Variants in RCSD1 observed in about 807,000 individuals in gnomAD.
RCSD1 encodes RCSD domain containing 1.
RCSD1 carries 26 observed loss-of-function variants against 42.5 expected under a neutral mutation model. The ratio of observed to expected loss-of-function variants is 0.61; its 90% CI spans 0.45 to 0.85. The LOEUF is 0.85. RCSD1 is among the 40% of genes least tolerant of loss of function. The pLI is 0.00. For missense variants in RCSD1, 571 were observed against 528.3 expected (o/e 1.08, Z -0.79); for synonymous variants, 220 against 212.2 (o/e 1.04, Z -0.32).
At chr1:167,636,728 A>AG (rs1292453800) in intron 1 of RCSD1, among the ~76,000 whole-genome samples, 3 of 152,122 alleles carry the variant, frequency 2.0e-5, no homozygotes, top group Non-Finnish European at 4.4e-5. Flanking sequence ...CTGGGATTAC[A>AG]GGCATGCACC....
In RCSD1 at chr1:167,697,017, C is replaced by T; in HGVS notation, c.475-82C>T. On this transcript the variant is annotated intron_variant, in intron 5 of 6. Transcript: ENST00000367854. ...TGGACTTGTGAAGCAGTGCACCAGA[C>T]TGACATTGAAAGTGCATACAGTCCT... 9.9e-6 allele frequency: 13 copies of T among 1,308,456 alleles called. No individual in the cohort carries two copies. In the South Asian group the frequency reaches 1.7e-4, roughly 17 times the overall value. 81.1% of individuals were successfully genotyped at this position (1,308,456 alleles called of 1,614,324 possible). A position where few individuals can be genotyped will look rare whatever the true frequency, so the allele number is the denominator to read the frequency against.
At chr1:167,669,652 T>G (rs1658754075) in intron 1 of RCSD1, among the ~76,000 whole-genome samples, 2 of 152,250 alleles carry the variant, frequency 1.3e-5, no homozygotes, top group African/African-American at 4.8e-5. Flanking sequence ...ATGTTGCAGC[T>G]ACTGAATTAT....
Position 167,639,133 on chromosome 1 carries a change from C to T in RCSD1, c.6+8704C>T, listed in dbSNP as rs541875364. On this transcript the variant is annotated intron_variant, in intron 1 of 6. Coordinates refer to ENST00000367854, the MANE Select transcript of RCSD1 (RefSeq NM_052862.4). ...TTGGGAGGCTGAGGCAGGAGAATGG[C>T]GTGAACCCGGGAAGCGGAGGTTGCA... 1.1e-4 allele frequency among the ~76,000 whole-genome samples: 17 copies of T among 152,264 alleles called. No individual in the cohort carries two copies. In the South Asian group the frequency reaches 2.7e-3, roughly 24 times the overall value.
intron 1 of RCSD1, among the ~76,000 whole-genome samples, chr1:167,639,479 C>T (rs1657951072): frequency 6.6e-6 from 1 of 151,880 alleles, no homozygotes; most frequent in African/African-American, 2.4e-5. Flanking sequence ...TTTTCATTCT[C>T]ATTGTTTTTT....
chr1:167,630,548 T>A, intron 1 of RCSD1, 119 bp downstream of exon 1: 1 of 1,133,642 alleles, frequency 8.8e-7, no homozygotes, highest in Non-Finnish European at 1.2e-6. Flanking sequence ...TGCTGCCAAC[T>A]AGAAGGGCAA....
intron 5 of RCSD1, among the ~76,000 whole-genome samples, chr1:167,696,755 A>AT (rs907890555): frequency 6.6e-6 from 1 of 151,632 alleles, no homozygotes; most frequent in Admixed American, 6.6e-5. Context: ...CCCGGCAAGA[A>AT]TTTTTTTTTA....
intron 1 of RCSD1, among the ~76,000 whole-genome samples, chr1:167,677,046 A>G (rs778870589): frequency 6.6e-6 from 1 of 152,216 alleles, no homozygotes; most frequent in Admixed American, 6.5e-5. Context: ...AAAGCCTACA[A>G]GTGGTTAGGT....
intron 6 of RCSD1, 134 bp downstream of exon 6, chr1:167,697,976 T>A: frequency 8.7e-7 from 1 of 1,152,188 alleles, no homozygotes; most frequent in Non-Finnish European, 1.1e-6. Flanking sequence ...GGCTCCTGCC[T>A]CGTGCCAACT....
chr1:167,676,156 G>A (rs1017439420), intron 1 of RCSD1, among the ~76,000 whole-genome samples: 12 of 152,106 alleles, frequency 7.9e-5, no homozygotes, highest in Admixed American at 2.0e-4. Flanking sequence ...TCTGAGGCAC[G>A]GACAAGTTAG....
intron 1 of RCSD1, among the ~76,000 whole-genome samples, chr1:167,654,733 C>T (rs1236799851): frequency 6.6e-6 from 1 of 152,078 alleles, no homozygotes; most frequent in Non-Finnish European, 1.5e-5. Flanking sequence ...GGAAGGAGAG[C>T]AGAAAGAAAT....
Position 167,683,970 on chromosome 1 carries a change from G to T in RCSD1, c.77G>T (p.Arg26Leu). ...CCCTCGGTGGCCCAGCTGGCCGGGC[G>T]GTTTAGGGAGCAGGCGGCTGCAGCC... is the stretch of plus-strand genomic sequence containing the variant. ...ASPSVAQLAG[R>L]FREQAAAAKE... The change falls in exon 2 of 7, where the codon CGG becomes CTG. Residue 26 changes from arginine (R) to leucine (L), a missense_variant. Arg to Leu is a moderately radical substitution (Grantham distance 102). Transcript: ENST00000367854. The T allele has an allele frequency of 1.2e-6, 2 of 1,614,054 alleles. No individual in the cohort carries two copies. Among genetic ancestry groups the T allele is most frequent in the Non-Finnish European group, 1.7e-6 (2 of 1,180,018 alleles).
intron 1 of RCSD1, among the ~76,000 whole-genome samples, chr1:167,658,497 C>G (rs1430887105): frequency 6.6e-6 from 1 of 152,194 alleles, no homozygotes; most frequent in Admixed American, 6.5e-5. Context: ...GCAATCTTGG[C>G]TCTCTGCAAC....
At chr1:167,687,709 G>C (rs1659270922) in intron 3 of RCSD1, among the ~76,000 whole-genome samples, 1 of 152,152 alleles carries the variant, frequency 6.6e-6, no homozygotes, top group South Asian at 2.1e-4. Flanking sequence ...GCTACCCCTC[G>C]GTTCCCAATG....
At chr1:167,684,848 C>G (rs184580991) in intron 2 of RCSD1, among the ~76,000 whole-genome samples, 3 of 152,140 alleles carry the variant, frequency 2.0e-5, no homozygotes, top group Non-Finnish European at 2.9e-5. Context: ...CACTCCAGCC[C>G]GGGCAACAAG....
chr1:167,686,125 A>G (rs1458859252), intron 3 of RCSD1, among the ~76,000 whole-genome samples: 1 of 152,148 alleles, frequency 6.6e-6, no homozygotes, highest in Non-Finnish European at 1.5e-5. Context: ...TCCTATCTTT[A>G]TTTATCTAAT....
chr1:167,690,187 T>A (rs762960932), intron 4 of RCSD1, 67 bp downstream of exon 4: 2 of 1,503,830 alleles, frequency 1.3e-6, no homozygotes, highest in Non-Finnish European at 1.8e-6. Flanking sequence ...AAAATTTGCA[T>A]GACTTTGAGG....
chr1:167,674,827 A>G (rs1012523329), intron 1 of RCSD1, among the ~76,000 whole-genome samples: 7 of 152,206 alleles, frequency 4.6e-5, no homozygotes, highest in African/African-American at 1.4e-4. Context: ...TAGGTGAAAA[A>G]TATTCCACTG....
intron 1 of RCSD1, among the ~76,000 whole-genome samples, chr1:167,675,205 C>CA (rs1658913308): frequency 1.1e-5 from 1 of 91,774 alleles, no homozygotes; most frequent in African/African-American, 5.5e-5. Context: ...GACTCCATCT[C>CA]GGAAAAAAAA....
At chr1:167,703,810 C>G (rs916172417) in intron 6 of RCSD1, among the ~76,000 whole-genome samples, 1 of 152,220 alleles carries the variant, frequency 6.6e-6, no homozygotes, top group Admixed American at 6.5e-5. Context: ...CCCACTCCCA[C>G]AGCCTCTTTG....
Sources: allele counts gnomAD v4.1 joint callset (sites outside exome capture counted in the v4.1 genomes callset), GRCh38; gene constraint gnomAD v4.1.1; transcripts MANE v1.5; gene names NCBI Gene and HGNC (gene_info 2026-07-23, HGNC 2026-07-21).